AGMO: variants seen among roughly 807,000 people sequenced by gnomAD.
AGMO encodes glyceryl-ether monooxygenase.
In AGMO, 75 loss-of-function variants were observed where a neutral mutation model predicts 60.2. The ratio of observed to expected loss-of-function variants is 1.25; its 90% CI spans 1.03 to 1.51. The LOEUF is 1.51. AGMO is among the 40% of genes most tolerant of loss of function. The pLI is 0.00. For synonymous variants in AGMO, 261 were observed against 177.1 expected (o/e 1.47, Z -3.76); for missense variants, 763 against 525.5 (o/e 1.45, Z -4.42).
At chr7:15,266,074 T>C (rs971102446) in intron 12 of AGMO, among the ~76,000 whole-genome samples, 3 of 152,070 alleles carry the variant, frequency 2.0e-5, no homozygotes, top group Non-Finnish European at 4.4e-5. Flanking sequence ...GAGCTACTTA[T>C]AGTAGTCAAA....
chr7:15,207,527 AT>A (rs1296030482), intron 12 of AGMO, among the ~76,000 whole-genome samples: 3 of 152,176 alleles, frequency 2.0e-5, no homozygotes, highest in African/African-American at 7.2e-5. Context: ...ATTTCTAAAT[AT>A]TTTGATACAC....
chr7:15,540,403 T>G lies in AGMO; in HGVS notation c.409+4369A>C, dbSNP rs938248885. ...CTACAGCTGAGCAAGAGGTGAAGAG[T>G]ACCACATCCCTCACATACCAAACCT... On this transcript the variant is annotated intron_variant, in intron 3 of 12. Coordinates refer to ENST00000342526, the MANE Select transcript of AGMO (RefSeq NM_001004320.2). Among the ~76,000 whole-genome samples, 4 of 151,916 alleles carry G rather than the reference T, an allele frequency of 2.6e-5. No homozygotes were observed. The East Asian group carries it at 7.7e-4, about 29-fold the overall frequency.
At chr7:15,153,034 A>T in the AGMO span, among the ~76,000 whole-genome samples, 1 of 152,076 alleles carries the variant, frequency 6.6e-6, no homozygotes, top group Non-Finnish European at 1.5e-5. Context: ...CCATTCTTTC[A>T]GGAGTGAGGT....
intron 12 of AGMO, among the ~76,000 whole-genome samples, chr7:15,202,508 T>C (rs577459103): frequency 7.3e-5 from 9 of 122,506 alleles, no homozygotes; most frequent in Non-Finnish European, 1.4e-4. Flanking sequence ...AACAAGGATG[T>C]TTCCATTTAT....
intron 3 of AGMO, among the ~76,000 whole-genome samples, chr7:15,436,731 G>C (rs1336612707): frequency 6.6e-6 from 1 of 150,948 alleles, no homozygotes; most frequent in African/African-American, 2.5e-5. Context: ...TGACTTATTT[G>C]ATACACTCTT....
chr7:15,233,825 G>A (rs747802353), intron 12 of AGMO, among the ~76,000 whole-genome samples: 4 of 151,968 alleles, frequency 2.6e-5, no homozygotes, highest in East Asian at 3.9e-4. Flanking sequence ...GCTGAGGCGC[G>A]TGGATCACGA....
the AGMO span, among the ~76,000 whole-genome samples, chr7:15,194,018 T>A: frequency 1.3e-5 from 2 of 152,204 alleles, no homozygotes; most frequent in African/African-American, 4.8e-5. Context: ...ATTTTTCTGC[T>A]AACAATCAAT....
chr7:15,209,507 T>C (rs1348073527), intron 12 of AGMO, among the ~76,000 whole-genome samples: 1 of 152,214 alleles, frequency 6.6e-6, no homozygotes, highest in East Asian at 1.9e-4. Flanking sequence ...TTCGTATTGT[T>C]TTTGTTTATG....
At chr7:15,127,634 A>G in the AGMO span, among the ~76,000 whole-genome samples, 1 of 152,110 alleles carries the variant, frequency 6.6e-6, no homozygotes, top group Non-Finnish European at 1.5e-5. Flanking sequence ...AACAAAATTC[A>G]TAGATTAAAA....
At chr7:15,458,825 C>A (rs1465277460) in intron 3 of AGMO, among the ~76,000 whole-genome samples, 1 of 152,186 alleles carries the variant, frequency 6.6e-6, no homozygotes, top group Non-Finnish European at 1.5e-5. Flanking sequence ...CCCTGGACTT[C>A]TGTTTCAAAT....
At chr7:15,198,236 A>AGAGAGAGAGAGAGG (rs1781178259), downstream of AGMO, among the ~76,000 whole-genome samples, 21 of 115,816 alleles carry the variant, frequency 1.8e-4, no homozygotes, top group Non-Finnish European at 3.0e-4. Context: ...AGAGAGAGAG[A>AGAGAGAGAGAGAGG]GAGAGAGAGA....
intron 3 of AGMO, among the ~76,000 whole-genome samples, chr7:15,491,853 A>G (rs1215387972): frequency 6.6e-6 from 1 of 152,058 alleles, no homozygotes; most frequent in Non-Finnish European, 1.5e-5. Flanking sequence ...GAACTAAGCC[A>G]TTTGGTTAAT....
rs149252938 is a variant in AGMO, at chr7:15,525,877, C to G, written c.409+18895G>C. Among the ~76,000 whole-genome samples, 16 of 152,328 alleles carry G rather than the reference C, an allele frequency of 1.1e-4. No individual in the cohort carries two copies. In the East Asian group the frequency reaches 2.9e-3, roughly 28 times the overall value. On this transcript the variant is annotated intron_variant, in intron 3 of 12. Transcript: ENST00000342526. ...TGCTGTAACACACCCTCTGGGGCCT[C>G]AGGGTTGCAGGCACCTCTCTCTGGG...
intron 3 of AGMO, among the ~76,000 whole-genome samples, chr7:15,494,917 T>C (rs1783183167): frequency 6.6e-6 from 1 of 152,222 alleles, no homozygotes; most frequent in South Asian, 2.1e-4. Flanking sequence ...AGCATAGAAA[T>C]GCAGAGTGTA....
the AGMO span, among the ~76,000 whole-genome samples, chr7:15,131,035 A>C: frequency 6.6e-6 from 1 of 151,740 alleles, no homozygotes; most frequent in Admixed American, 6.6e-5. Context: ...ATTCTGTTTC[A>C]AATTTTTGCT....
Position 15,342,801 on chromosome 7 carries a change from A to AAAAAAAAAAAC in AGMO, c.1263+22712_1263+22713insGTTTTTTTTTT, listed in dbSNP as rs778682811. Among the ~76,000 whole-genome samples the AAAAAAAAAAAC allele has an allele frequency of 1.0e-4, 11 of 107,940 alleles. 2 individuals carry two copies. The highest frequency in any genetic ancestry group is 3.8e-4 in the East Asian group (1 of 2,626). 70.8% of individuals were successfully genotyped at this position (107,940 alleles called of 152,430 possible). A position where few individuals can be genotyped will look rare whatever the true frequency, so the allele number is the denominator to read the frequency against. On this transcript the variant is annotated intron_variant, in intron 12 of 12. Transcript: ENST00000342526. ...CTGCAAAAAAAAAAAAAAAAAAAAA[A>AAAAAAAAAAAC]AAAATTGATCTGAATTCTACCTCTA...
chr7:15,119,644 C>T, the AGMO span, among the ~76,000 whole-genome samples: 2 of 152,116 alleles, frequency 1.3e-5, no homozygotes, highest in Non-Finnish European at 2.9e-5. Flanking sequence ...GAGAAAAACA[C>T]ACAACCTGTT....
At chr7:15,245,617 T>A (rs1365813843) in intron 12 of AGMO, among the ~76,000 whole-genome samples, 5 of 151,970 alleles carry the variant, frequency 3.3e-5, no homozygotes, top group Non-Finnish European at 5.9e-5. Flanking sequence ...ACCTGCAAAT[T>A]GGGAGTTTCA....
chr7:15,350,647 C>T (rs1782206729), intron 12 of AGMO, among the ~76,000 whole-genome samples: 1 of 152,024 alleles, frequency 6.6e-6, no homozygotes, highest in African/African-American at 2.4e-5. Flanking sequence ...GGAATTTGTT[C>T]CTAGATCTGA....
Sources: gnomAD v4.1 joint callset for allele counts (sites outside exome capture counted in the v4.1 genomes callset) on GRCh38, gnomAD v4.1.1 for gene constraint, MANE v1.5 for transcripts, NCBI Gene and HGNC (gene_info 2026-07-23, HGNC 2026-07-21) for gene names.